The following PBLD variants were observed in gnomAD, a reference collection of about 807,000 sequenced individuals.
The protein encoded by PBLD is phenazine biosynthesis like protein domain containing, also known as phenazine biosynthesis-like domain-containing protein.
Under a neutral mutation model 31.3 loss-of-function variants are expected in PBLD, and 26 were observed. The ratio of observed to expected loss-of-function variants is 0.83; its 90% CI spans 0.61 to 1.15. The LOEUF (loss-of-function observed/expected upper bound fraction) is 1.15, where lower values mean the gene tolerates loss of function less well. PBLD is among the 50% of genes most tolerant of loss of function. PBLD has a pLI of 0.00. For synonymous variants in PBLD, 114 were observed against 129.0 expected (o/e 0.88, Z 0.79); for missense variants, 307 against 351.7 (o/e 0.87, Z 1.02).
intron 4 of PBLD, among the ~76,000 whole-genome samples, chr10:68,295,493 A>AG (rs1392482039): frequency 4.5e-5 from 6 of 134,102 alleles, no homozygotes; most frequent in Middle Eastern, 3.6e-3. Context: ...GCCCCATCTC[A>AG]GAAAAAAAAA....
At position 68,292,499 on chromosome 10, in the gene PBLD, CTAACTTAGCCTCCTTT is replaced by C. The variant is rs1285452940; in HGVS notation, c.284-277_284-262del. 2.1e-5 allele frequency among the ~76,000 whole-genome samples: 3 copies of C among 139,842 alleles called. No individual in the cohort carries two copies. In the East Asian group the frequency reaches 6.9e-4, roughly 32 times the overall value. The allele number at this position is 139,842 out of a possible 152,430, so 91.7% of individuals were successfully genotyped here. ...CTCTTTACTGCTTACTGTGCCCTTACTAACTTAGCCTCCTTTTTTTTTTTTCTTGAGACATGGTCTC... is the reference window on the plus strand; with the variant it reads ...CTCTTTACTGCTTACTGTGCCCTTACTTTTTTTTTCTTGAGACATGGTCTC... On this transcript the variant is annotated intron_variant, in intron 4 of 9. Transcript: ENST00000358769.
At chr10:68,292,417 G>A (rs541435998) in intron 4 of PBLD, among the ~76,000 whole-genome samples, 179 bp from the exon 5 acceptor site, 3 of 152,158 alleles carry the variant, frequency 2.0e-5, no homozygotes, top group Non-Finnish European at 4.4e-5. Flanking sequence ...TCTAACTTGA[G>A]AACCAAGAAC....
At chr10:68,327,804 T>G (rs936421129) in intron 1 of PBLD, among the ~76,000 whole-genome samples, 1 of 152,202 alleles carries the variant, frequency 6.6e-6, no homozygotes, top group African/African-American at 2.4e-5. Flanking sequence ...ATTTAAATTA[T>G]TTAAGTAGCT....
intron 9 of PBLD, chr10:68,285,058 C>T: frequency 8.0e-7 from 1 of 1,257,858 alleles, no homozygotes. Context: ...CAACCCATCA[C>T]ATTATAAATA....
At chr10:68,311,269 C>A (rs936983979) in intron 1 of PBLD, among the ~76,000 whole-genome samples, 7 of 151,972 alleles carry the variant, frequency 4.6e-5, no homozygotes, top group South Asian at 2.1e-4. Context: ...CATGGTGAAA[C>A]CCCATCTCTA....
At chr10:68,319,339 G>C (rs992747895) in intron 1 of PBLD, among the ~76,000 whole-genome samples, 3 of 152,178 alleles carry the variant, frequency 2.0e-5, no homozygotes, top group Non-Finnish European at 4.4e-5. Flanking sequence ...ACATTTAAGT[G>C]CTTAAACTCT....
chr10:68,295,897 GT>G (rs11293163), intron 4 of PBLD: 19,343 of 155,602 alleles, frequency 0.12, 1,626 homozygotes, highest in South Asian at 0.25. Flanking sequence ...AGAGGCGGAG[GT>G]TGCAGTGAGT....
Position 68,329,718 on chromosome 10 carries a change from ATAAGCTAG to A in PBLD, c.-60+3058_-60+3065del, listed in dbSNP as rs1356262978. ...GGCCTGTTCAAAAAGTCTCCAGCCAATAAGCTAGTAACCACAGGTCTCCTGAAATGGTA... is the reference window on the plus strand; with the variant it reads ...GGCCTGTTCAAAAAGTCTCCAGCCAATAACCACAGGTCTCCTGAAATGGTA... On this transcript the variant is annotated intron_variant, in intron 1 of 9. Transcript: ENST00000358769. 2.0e-5 allele frequency among the ~76,000 whole-genome samples: 3 copies of A among 152,250 alleles called. No individual in the cohort carries two copies. In the East Asian group the frequency reaches 5.8e-4, roughly 29 times the overall value.
At chr10:68,312,323 TCTC>T (rs1469730390) in intron 1 of PBLD, among the ~76,000 whole-genome samples, 24 of 152,314 alleles carry the variant, frequency 1.6e-4, no homozygotes, top group African/African-American at 4.8e-4. Context: ...GGTTCCCTCT[TCTC>T]CACGTCCTCA....
At chr10:68,319,262 A>G (rs1022110967) in intron 1 of PBLD, among the ~76,000 whole-genome samples, 1 of 152,228 alleles carries the variant, frequency 6.6e-6, no homozygotes, top group East Asian at 1.9e-4. Flanking sequence ...AAGGAACAAC[A>G]AAGACATGAG....
At chr10:68,319,916 C>T (rs1000795838) in intron 1 of PBLD, among the ~76,000 whole-genome samples, 1 of 151,458 alleles carries the variant, frequency 6.6e-6, no homozygotes, top group African/African-American at 2.4e-5. Flanking sequence ...CTCCGCCTCC[C>T]AGGTTCAAGC....
chr10:68,290,499 C>A (rs1056182163), intron 6 of PBLD, among the ~76,000 whole-genome samples: 13 of 152,240 alleles, frequency 8.5e-5, no homozygotes, highest in Admixed American at 8.5e-4. Flanking sequence ...AGGCGGATCA[C>A]CTGAGCTCAG....
chr10:68,324,367 A>C (rs544824420), intron 1 of PBLD, among the ~76,000 whole-genome samples: 2 of 151,856 alleles, frequency 1.3e-5, no homozygotes, highest in Admixed American at 1.3e-4. Context: ...TGTAGAGATG[A>C]GGTTTCACCA....
chr10:68,291,817 C>A (rs2044361965), intron 6 of PBLD, among the ~76,000 whole-genome samples, 193 bp downstream of exon 6: 1 of 152,138 alleles, frequency 6.6e-6, no homozygotes, highest in South Asian at 2.1e-4. Flanking sequence ...CCATGGGGGC[C>A]AGCAGTGACA....
chr10:68,298,072 C>A (rs1411711165), intron 2 of PBLD, among the ~76,000 whole-genome samples: 2 of 151,522 alleles, frequency 1.3e-5, no homozygotes, highest in Admixed American at 1.3e-4. Flanking sequence ...TCAAGACCAC[C>A]CCCCAGTCTC....
At chr10:68,301,293 C>T (rs957216395) in intron 2 of PBLD, among the ~76,000 whole-genome samples, 1 of 152,162 alleles carries the variant, frequency 6.6e-6, no homozygotes, top group Non-Finnish European at 1.5e-5. Flanking sequence ...GTACCTGTCC[C>T]ACCTGTGGGC....
chr10:68,306,687 G>T (rs764229192), intron 2 of PBLD, 74 bp downstream of exon 2: 164 of 1,365,352 alleles, frequency 1.2e-4, no homozygotes, highest in Non-Finnish European at 1.7e-4. Flanking sequence ...GGTGAAACTA[G>T]TCTTTTAAAA....
In PBLD at chr10:68,293,873, G is replaced by A. The variant is rs1477785684; in HGVS notation, c.284-1635C>T. 1.1e-4 allele frequency among the ~76,000 whole-genome samples: 8 copies of A among 70,762 alleles called. No homozygotes were observed. The East Asian group carries it at 2.8e-3, about 24-fold the overall frequency. 46.4% of individuals were successfully genotyped at this position (70,762 alleles called of 152,430 possible). ...ACCTGTAATCCCAGCTACTTGGGAG[G>A]CTGAGGCAGGAAAATCACTTAAACA... On this transcript the variant is annotated intron_variant, in intron 4 of 9. Transcript: ENST00000358769.
At chr10:68,312,251 C>G (rs914666346) in intron 1 of PBLD, among the ~76,000 whole-genome samples, 2 of 152,184 alleles carry the variant, frequency 1.3e-5, no homozygotes, top group African/African-American at 2.4e-5. Context: ...TTTTTTGAGG[C>G]ATCTCCATTC....
Sources: gnomAD v4.1 joint callset for allele counts (sites outside exome capture counted in the v4.1 genomes callset) on GRCh38, gnomAD v4.1.1 for gene constraint, MANE v1.5 for transcripts, NCBI Gene and HGNC (gene_info 2026-07-23, HGNC 2026-07-21) for gene names.